Variants in DIS3 observed in about 807,000 individuals in gnomAD.
The protein encoded by DIS3 is exosome complex exonuclease RRP44.
In DIS3, 103 loss-of-function variants were observed where a neutral mutation model predicts 113.0. The observed-to-expected ratio is 0.91, with a 90% confidence interval of 0.78 to 1.07. The LOEUF (loss-of-function observed/expected upper bound fraction) is 1.07, where lower values mean the gene tolerates loss of function less well. Ranked by LOEUF, DIS3 falls within the 50% of genes least tolerant of loss-of-function variation. DIS3 has a pLI of 0.00. For missense variants in DIS3, 1,121 were observed against 1,167.1 expected (o/e 0.96, Z 0.58); for synonymous variants, 402 against 394.3 (o/e 1.02, Z -0.23).
intron 14 of DIS3, among the ~76,000 whole-genome samples, chr13:72,766,349 T>A (rs2033751217): frequency 6.6e-6 from 1 of 152,168 alleles, no homozygotes; most frequent in Admixed American, 6.5e-5. Flanking sequence ...ACCCAAACGA[T>A]GAGTTTTTAT....
At chr13:72,778,465 C>A in intron 2 of DIS3, 85 bp from the exon 3 acceptor site, 1 of 1,116,052 alleles carries the variant, frequency 9.0e-7, no homozygotes, top group Non-Finnish European at 1.2e-6. Flanking sequence ...TGCTTAACCA[C>A]TAAACTAGAA....
At position 72,772,837 on chromosome 13, in the gene DIS3, T is replaced by C; in HGVS notation, c.1242A>G (p.Gly414=). Reference sequence around the variant, plus strand: ...CATCACCTAAATTTCTCACAAAGTGTCCCTGAAACCAAGAGGCATTATTAG... The same window carrying C: ...CATCACCTAAATTTCTCACAAAGTGCCCCTGAAACCAAGAGGCATTATTAG... ...GWPRNSRYPN[G]HFVRNLGDVG... The change falls in exon 9 of 21, where the codon GGA becomes GGG. Residue 414 remains glycine (G), a splice_region_variant and synonymous_variant. Transcript: ENST00000377767. The C allele has an allele frequency of 6.3e-7, 1 of 1,594,584 alleles. No homozygotes were observed.
At position 72,774,002 on chromosome 13, in the gene DIS3, T is replaced by G. The variant is rs761351567; in HGVS notation, c.1045A>C (p.Ile349Leu). The G allele has an allele frequency of 1.9e-6, 3 of 1,612,680 alleles. No individual in the cohort carries two copies. The African/African-American group carries it at 4.0e-5, about 22-fold the overall frequency. Reference sequence around the variant, plus strand: ...CAATATGGTCTCCAATTCCTTTTTATTATTCCTACAACTCTACCTGTAGGC... The same window carrying G: ...CAATATGGTCTCCAATTCCTTTTTAGTATTCCTACAACTCTACCTGTAGGC... ...LKPTGRVVGI[I>L]KRNWRPYCGM... The change falls in exon 7 of 21, where the codon ATA becomes CTA. Residue 349 changes from isoleucine (I) to leucine (L), a missense_variant. By Grantham distance (5) the Ile-to-Leu change is conservative. Coordinates refer to ENST00000377767, the MANE Select transcript of DIS3 (RefSeq NM_014953.5).
At position 72,773,812 on chromosome 13, in the gene DIS3, GTCT is replaced by G. The variant is rs774456200; in HGVS notation, c.1108_1110del (p.Arg370del). The G allele has an allele frequency of 3.7e-6, 6 of 1,610,954 alleles. No individual in the cohort carries two copies. Among genetic ancestry groups the G allele is most frequent in the Middle Eastern group, 1.7e-4 (1 of 6,046 alleles). On this transcript the variant is annotated inframe_deletion, in exon 8 of 21. Coordinates refer to ENST00000377767, the MANE Select transcript of DIS3 (RefSeq NM_014953.5). ...CTCTTATCAGCAGGTGTAAAGAGAT[GTCT>G]TCTTGACTAGCAAAAATTAGGAATA...
chr13:72,768,256 T>G (rs2033800547), intron 14 of DIS3, among the ~76,000 whole-genome samples: 1 of 152,190 alleles, frequency 6.6e-6, no homozygotes, highest in Admixed American at 6.5e-5. Flanking sequence ...CTGGAATTTC[T>G]TCAAGATCTT....
rs1566232312 is a variant in DIS3, at chr13:72,755,161, C to CA, written c.*4633dup. 6.2e-7 allele frequency: 1 copy of CA among 1,613,764 alleles called. No homozygotes were observed. The highest frequency in any genetic ancestry group is 1.1e-5 in the South Asian group (1 of 91,064). ...TCTTCTTTTTCACAGCAAGACCACA[C>CA]AACACAGAGGTGTTGGATGAAAACA... On this transcript the variant is annotated 3_prime_UTR_variant, in exon 21 of 21. Transcript: ENST00000377767.
intron 14 of DIS3, 86 bp downstream of exon 14, chr13:72,768,699 C>A: frequency 9.6e-7 from 1 of 1,046,740 alleles, no homozygotes; most frequent in East Asian, 2.7e-5. Flanking sequence ...TCTCTATTCA[C>A]CCTTTTAAAT....
At position 72,753,275 on chromosome 13, in the gene DIS3, A is replaced by C. The variant is rs2033329232; in HGVS notation, c.*6520T>G. 6.4e-6 allele frequency: 1 copy of C among 155,398 alleles called. No individual in the cohort carries two copies. Among genetic ancestry groups the C allele is most frequent in the Non-Finnish European group, 1.4e-5 (1 of 70,204 alleles). 9.6% of individuals were successfully genotyped at this position (155,398 alleles called of 1,614,324 possible). On this transcript the variant is annotated 3_prime_UTR_variant, in exon 21 of 21. Coordinates refer to ENST00000377767, the MANE Select transcript of DIS3 (RefSeq NM_014953.5). ...TATATATGTGGCATTATTGTGAACA[A>C]CTAGGTGTAAATATAATATAATCCA...
At chr13:72,761,163 G>A (rs2033613581) in intron 19 of DIS3, among the ~76,000 whole-genome samples, 200 bp downstream of exon 19, 1 of 152,072 alleles carries the variant, frequency 6.6e-6, no homozygotes. Flanking sequence ...CATATGAGAA[G>A]ACATATAGTG....
chr13:72,775,460 TAC>T, intron 5 of DIS3, 85 bp from the exon 6 acceptor site: 1 of 1,379,674 alleles, frequency 7.2e-7, no homozygotes, highest in Non-Finnish European at 9.7e-7. Context: ...GATATTTACA[TAC>T]ACTCTGAATA....
At chr13:72,765,851 G>A in intron 15 of DIS3, 121 bp downstream of exon 15, 1 of 705,390 alleles carries the variant, frequency 1.4e-6, no homozygotes, top group Non-Finnish European at 2.1e-6. Flanking sequence ...GCCAAATAAA[G>A]TAGAAATCAT....
chr13:72,771,556 T>C (rs762655853), intron 11 of DIS3, among the ~76,000 whole-genome samples: 18 of 152,114 alleles, frequency 1.2e-4, no homozygotes, highest in Non-Finnish European at 2.5e-4. Flanking sequence ...AACTAAATTT[T>C]TATGGAAAAA....
Position 72,772,159 on chromosome 13 carries a change from C to T in DIS3, c.1503G>A (p.Glu501=), listed in dbSNP as rs759149153. The T allele has an allele frequency of 1.2e-6, 2 of 1,608,632 alleles. No homozygotes were observed. Among genetic ancestry groups the T allele is most frequent in the South Asian group, 2.2e-5 (2 of 90,542 alleles). The change falls in exon 10 of 21, where the codon GAG becomes GAA. Residue 501 remains glutamate, a splice_region_variant and synonymous_variant. Coordinates refer to ENST00000377767, the MANE Select transcript of DIS3 (RefSeq NM_014953.5). ...HCRELENGNL[E]VGVHIADVSH... ...TAAGAACACTATTACATATGAATAC[C>T]TCCAAATTTCCATTTTCGAGTTCTC...
chr13:72,762,046 A>G lies in DIS3; in HGVS notation c.2219T>C (p.Leu740Ser). 1 of 1,614,008 alleles carries G rather than the reference A, an allele frequency of 6.2e-7. No individual in the cohort carries two copies. The highest frequency in any genetic ancestry group is 8.5e-7 in the Non-Finnish European group (1 of 1,179,888). The change falls in exon 17 of 21, where the codon TTG (leucine) becomes TCG (serine). Residue 740 changes from leucine to serine, a missense_variant. By Grantham distance (145) the Leu-to-Ser change is moderately radical. Coordinates refer to ENST00000377767, the MANE Select transcript of DIS3 (RefSeq NM_014953.5). The stretch of plus-strand genomic sequence containing the variant: ...CATACAGCGAGTGGCTAATATTCTC[A>G]ACAGAGTGTTTAGATATGGAAAAGT... ...SPTFPYLNTL[L>S]RILATRCMMQ...
chr13:72,775,017 T>C (rs879534789), intron 6 of DIS3, among the ~76,000 whole-genome samples, 194 bp downstream of exon 6: 4 of 152,148 alleles, frequency 2.6e-5, no homozygotes, highest in African/African-American at 4.8e-5. Context: ...TTTAAACCCA[T>C]TTATTTGAGC....
intron 1 of DIS3, chr13:72,781,304 CG>C: frequency 6.4e-7 from 1 of 1,551,220 alleles, no homozygotes; most frequent in Non-Finnish European, 8.7e-7. Context: ...GCCTGGGAGT[CG>C]CAGGCTGGAG....
intron 15 of DIS3, among the ~76,000 whole-genome samples, chr13:72,764,039 C>G (rs2033692251): frequency 6.6e-6 from 1 of 152,052 alleles, no homozygotes; most frequent in Non-Finnish European, 1.5e-5. Flanking sequence ...GTAGTCCCGG[C>G]TACTTGAGAG....
intron 2 of DIS3, among the ~76,000 whole-genome samples, chr13:72,779,455 T>C (rs1306745616): frequency 1.3e-5 from 2 of 152,148 alleles, no homozygotes; most frequent in Non-Finnish European, 2.9e-5. Flanking sequence ...GACACAGTCA[T>C]AAATTTTTGA....
chr13:72,769,000 C>A, intron 13 of DIS3, 88 bp from the exon 14 acceptor site: 1 of 821,418 alleles, frequency 1.2e-6, no homozygotes, highest in South Asian at 2.2e-5. Context: ...TACATAAAAT[C>A]CATGATTTCA....
Sources: gnomAD v4.1 joint callset for allele counts (sites outside exome capture counted in the v4.1 genomes callset) on GRCh38, gnomAD v4.1.1 for gene constraint, MANE v1.5 for transcripts, NCBI Gene and HGNC (gene_info 2026-07-23, HGNC 2026-07-21) for gene names.